The following PRPF18 variants were observed in gnomAD, a reference collection of about 807,000 sequenced individuals.
PRPF18 encodes the protein pre-mRNA-splicing factor 18.
Under a neutral mutation model 46.5 loss-of-function variants are expected in PRPF18, and 38 were observed. The observed-to-expected ratio is 0.82, with a 90% CI of 0.63 to 1.07. The LOEUF is 1.07. Among genes scored for constraint, PRPF18 ranks in the 50% least tolerant of loss-of-function variants. The pLI is 0.00. For missense variants in PRPF18, 263 were observed against 410.0 expected, an observed-to-expected ratio of 0.64 and a Z score of 3.10; for synonymous variants, 152 against 146.7, an observed-to-expected ratio of 1.04 and a Z score of -0.26.
intron 9 of PRPF18, among the ~76,000 whole-genome samples, chr10:13,626,822 A>T (rs780386930): frequency 1.3e-5 from 2 of 150,556 alleles, no homozygotes; most frequent in Non-Finnish European, 3.0e-5. Context: ...TTTTCCCCTC[A>T]AACAGTGTAC....
At chr10:13,651,883 C>T in the PRPF18 span, 443,808 of 1,340,068 alleles carry the variant, frequency 0.33, 81,738 homozygotes, top group East Asian at 0.75. Context: ...GCAGTAGGAA[C>T]AAAACTCCCC....
chr10:13,613,967 T>C, intron 7 of PRPF18, 48 bp from the exon 8 acceptor site: 1 of 1,544,920 alleles, frequency 6.5e-7, no homozygotes, highest in East Asian at 2.3e-5. Context: ...TTTTTCCCTA[T>C]ACATCTATAC....
chr10:13,599,332 C>T (rs545963878), intron 2 of PRPF18, among the ~76,000 whole-genome samples: 1 of 152,276 alleles, frequency 6.6e-6, no homozygotes, highest in East Asian at 1.9e-4. Flanking sequence ...GCTATAGAAT[C>T]ATGAATTATG....
intron 1 of PRPF18, chr10:13,591,914 C>G (rs370018375): frequency 6.5e-6 from 9 of 1,375,802 alleles, no homozygotes; most frequent in Non-Finnish European, 2.9e-6. Flanking sequence ...AGTTTTCTCA[C>G]GTGTCAACTG....
chr10:13,599,566 A>G (rs2080077318), intron 2 of PRPF18, among the ~76,000 whole-genome samples: 1 of 152,188 alleles, frequency 6.6e-6, no homozygotes, highest in Admixed American at 6.5e-5. Flanking sequence ...TTGAGAAAAT[A>G]TGTGAAGAGA....
chr10:13,652,111 A>T, the PRPF18 span: 1 of 689,716 alleles, frequency 1.4e-6, no homozygotes, highest in Admixed American at 2.1e-5. Context: ...TTAGCAACAG[A>T]TCATACAAGT....
At chr10:13,633,965 A>G (rs144780242), downstream of PRPF18, among the ~76,000 whole-genome samples, 1 of 152,326 alleles carries the variant, frequency 6.6e-6, no homozygotes, top group East Asian at 1.9e-4. Flanking sequence ...CCATTGGCTG[A>G]ACTATAACCA....
the PRPF18 span, among the ~76,000 whole-genome samples, chr10:13,650,434 G>C: frequency 6.6e-6 from 1 of 152,122 alleles, no homozygotes; most frequent in African/African-American, 2.4e-5. Context: ...GTATGTATTC[G>C]TGTATGTATG....
At chr10:13,619,782 A>G (rs553620936) in intron 9 of PRPF18, among the ~76,000 whole-genome samples, 24 of 152,198 alleles carry the variant, frequency 1.6e-4, no homozygotes, top group African/African-American at 4.8e-4. Context: ...GTTACCTTGT[A>G]GGAATATGGT....
chr10:13,591,838 G>A (rs538737492), intron 1 of PRPF18: 29 of 1,431,118 alleles, frequency 2.0e-5, no homozygotes, highest in Non-Finnish European at 2.4e-5. Context: ...CAGGAAGACC[G>A]CCCTCTTGCC....
At chr10:13,655,650 T>A in the PRPF18 span, 2 of 152,154 alleles carry the variant, frequency 1.3e-5, no homozygotes, top group Non-Finnish European at 2.9e-5. Flanking sequence ...GCACCAAGAA[T>A]CTCCTACAGT....
intron 8 of PRPF18, 101 bp from the exon 9 acceptor site, chr10:13,616,297 A>G: frequency 7.8e-7 from 1 of 1,274,692 alleles, no homozygotes; most frequent in Non-Finnish European, 1.1e-6. Context: ...CAAAAGGTGG[A>G]CGAAAATTAC....
At chr10:13,637,648 G>T in the PRPF18 span, among the ~76,000 whole-genome samples, 3 of 152,108 alleles carry the variant, frequency 2.0e-5, no homozygotes, top group Non-Finnish European at 4.4e-5. Context: ...TTATGCATTG[G>T]AGAAATAATC....
downstream of PRPF18, chr10:13,632,455 A>G (rs979337215): frequency 6.6e-6 from 1 of 152,202 alleles, no homozygotes; most frequent in Non-Finnish European, 1.5e-5. Context: ...GGACCTATTT[A>G]TAAATATTGT....
At chr10:13,595,581 C>T (rs145955123) in intron 1 of PRPF18, among the ~76,000 whole-genome samples, 2 of 152,314 alleles carry the variant, frequency 1.3e-5, no homozygotes, top group East Asian at 3.9e-4. Flanking sequence ...GTTCTAGTTG[C>T]TACTCATCAT....
intron 8 of PRPF18, 76 bp downstream of exon 8, chr10:13,614,162 A>G (rs2080308070): frequency 1.7e-6 from 2 of 1,147,012 alleles, no homozygotes; most frequent in Admixed American, 5.4e-5. Flanking sequence ...TTCATTTGGG[A>G]TAGGAGGATT....
chr10:13,598,835 A>G (rs1313208972), intron 2 of PRPF18, among the ~76,000 whole-genome samples: 1 of 152,184 alleles, frequency 6.6e-6, no homozygotes, highest in Non-Finnish European at 1.5e-5. Flanking sequence ...TGGCATTCCC[A>G]GATTCTTAAA....
At chr10:13,590,638 A>G (rs2079947242) in intron 1 of PRPF18, among the ~76,000 whole-genome samples, 1 of 147,298 alleles carries the variant, frequency 6.8e-6, no homozygotes, top group African/African-American at 2.5e-5. Flanking sequence ...AAAAAAAAAA[A>G]TACTGACATT....
At chr10:13,632,872 CT>C (rs2080602799), downstream of PRPF18, 1 of 152,116 alleles carries the variant, frequency 6.6e-6, no homozygotes. Context: ...GAAGACATAC[CT>C]TTTAAAATCA....
Sources: allele counts gnomAD v4.1 joint callset (sites outside exome capture counted in the v4.1 genomes callset), GRCh38; gene constraint gnomAD v4.1.1; transcripts MANE v1.5; gene names NCBI Gene and HGNC (gene_info 2026-07-23, HGNC 2026-07-21).